The following ARMH4 variants were observed in gnomAD, a reference collection of about 807,000 sequenced individuals.
ARMH4 encodes armadillo like helical domain containing 4.
ARMH4 carries 49 observed loss-of-function variants against 61.9 expected under a neutral mutation model. The observed-to-expected ratio is 0.79, with a 90% CI of 0.63 to 1.00. The LOEUF (loss-of-function observed/expected upper bound fraction) is 1.00. Among genes scored for constraint, ARMH4 ranks in the 50% least tolerant of loss-of-function variants. The pLI is 0.00. For missense variants in ARMH4, 934 were observed against 930.0 expected, an observed-to-expected ratio of 1.00 and a Z score of -0.06; for synonymous variants, 368 against 341.5, an observed-to-expected ratio of 1.08 and a Z score of -0.85.
At chr14:58,051,404 C>T (rs1035699600) in intron 5 of ARMH4, among the ~76,000 whole-genome samples, 2 of 152,090 alleles carry the variant, frequency 1.3e-5, no homozygotes, top group African/African-American at 4.8e-5. Context: ...GAGGTAAGAC[C>T]CACACTCACT....
At chr14:58,062,436 G>A (rs550322031) in intron 5 of ARMH4, among the ~76,000 whole-genome samples, 1 of 152,278 alleles carries the variant, frequency 6.6e-6, no homozygotes, top group South Asian at 2.1e-4. Flanking sequence ...TGTCTTCCCA[G>A]GAAAGGCTTA....
chr14:58,034,164 T>A lies in ARMH4; in HGVS notation c.2090-22014A>T, dbSNP rs1025804897. Among the ~76,000 whole-genome samples, 4 of 135,122 alleles carry A rather than the reference T, an allele frequency of 3.0e-5. 1 individual carries two copies. The highest frequency in any genetic ancestry group is 8.3e-5 in the African/African-American group (3 of 36,306). The allele number at this position is 135,122 out of a possible 152,430, so 88.6% of individuals were successfully genotyped here. A position where few individuals can be genotyped will look rare whatever the true frequency, so the allele number is the denominator to read the frequency against. On this transcript the variant is annotated intron_variant, in intron 5 of 7. Coordinates refer to ENST00000267485, the MANE Select transcript of ARMH4 (RefSeq NM_001001872.4). ...AGGGCAGCCAGAGAGAAAGGTCGGG[T>A]TACCCTCAAAGGAAAGCCCATCAGA...
intron 5 of ARMH4, among the ~76,000 whole-genome samples, chr14:58,058,332 C>T (rs976419612): frequency 2.6e-5 from 4 of 151,834 alleles, no homozygotes; most frequent in Admixed American, 1.3e-4. Flanking sequence ...AGTAGAGATA[C>T]CTTTTTTTTT....
chr14:58,139,201 T>C lies in ARMH4; in HGVS notation c.158A>G (p.Asp53Gly), dbSNP rs779940056. ...EKGQSDKMNTDDLENSSVTSK... is the reference protein window; with the variant it reads ...EKGQSDKMNTGDLENSSVTSK... ...GGTAACAGAGCTATTTTCTAGGTCA[T>C]CGGTGTTCATCTTATCGGACTGCCC... Residue 53 changes from aspartate (D) to glycine (G), a missense_variant, in exon 2 of 8, where the codon GAT (aspartate) becomes GGT (glycine). Physicochemically the swap from Asp to Gly is moderately conservative, Grantham distance 94. Transcript: ENST00000267485. 8.1e-6 allele frequency: 13 copies of C among 1,614,150 alleles called. No homozygotes were observed. In the Admixed American group the frequency reaches 2.2e-4, roughly 27 times the overall value.
At chr14:58,024,663 T>C (rs528652962) in intron 5 of ARMH4, among the ~76,000 whole-genome samples, 135 of 152,310 alleles carry the variant, frequency 8.9e-4, no homozygotes, top group African/African-American at 2.7e-3. Context: ...ACTTTCAACA[T>C]GCCTTCCCCA....
rs1310337852 is a variant in ARMH4, at chr14:58,016,659, G to A, written c.2090-4509C>T. On this transcript the variant is annotated intron_variant, in intron 5 of 7. Transcript: ENST00000267485. ...TGCTGATAGTGAACACAAGAAGTTA[G>A]AGCCTTTCCAGTTGGCTCACAGCTC... Among the ~76,000 whole-genome samples, 3 of 152,292 alleles carry A rather than the reference G, an allele frequency of 2.0e-5. No individual in the cohort carries two copies. The East Asian group carries it at 5.8e-4, about 29-fold the overall frequency.
chr14:58,029,502 G>A (rs1883149658), intron 5 of ARMH4, among the ~76,000 whole-genome samples: 1 of 152,122 alleles, frequency 6.6e-6, no homozygotes, highest in Non-Finnish European at 1.5e-5. Context: ...CCAAAGTGCT[G>A]GGATTACAGG....
intron 5 of ARMH4, among the ~76,000 whole-genome samples, chr14:58,095,270 G>A (rs1213324568): frequency 1.3e-5 from 2 of 152,114 alleles, no homozygotes; most frequent in African/African-American, 4.8e-5. Context: ...ATACTGAAAG[G>A]CTGTTTAACT....
chr14:58,088,453 T>C (rs1395323187), intron 5 of ARMH4, among the ~76,000 whole-genome samples: 5 of 148,620 alleles, frequency 3.4e-5, no homozygotes, highest in African/African-American at 1.3e-4. Context: ...TCTTAGCTAA[T>C]GTGAAAAAAA....
chr14:58,060,211 C>T (rs991850064), intron 5 of ARMH4, among the ~76,000 whole-genome samples: 2 of 152,220 alleles, frequency 1.3e-5, no homozygotes, highest in African/African-American at 4.8e-5. Context: ...TCTACCTACA[C>T]TGAAAAGACT....
At chr14:58,058,462 A>G (rs2141210377) in intron 5 of ARMH4, among the ~76,000 whole-genome samples, 1 of 152,246 alleles carries the variant, frequency 6.6e-6, no homozygotes, top group African/African-American at 2.4e-5. Flanking sequence ...TATGTGCTAA[A>G]CTCATGAATA....
At chr14:58,116,485 G>T in intron 4 of ARMH4, 1 of 276,034 alleles carries the variant, frequency 3.6e-6, no homozygotes, top group Non-Finnish European at 7.6e-6. Context: ...GACGAGCCTG[G>T]GCAACATGGT....
chr14:58,083,758 G>A (rs1885300132), intron 5 of ARMH4, among the ~76,000 whole-genome samples: 1 of 152,156 alleles, frequency 6.6e-6, no homozygotes, highest in Admixed American at 6.5e-5. Context: ...TAAATATCCA[G>A]AAAAGGGACA....
At chr14:58,019,954 C>T (rs1380819055) in intron 5 of ARMH4, among the ~76,000 whole-genome samples, 1 of 151,948 alleles carries the variant, frequency 6.6e-6, no homozygotes, top group Non-Finnish European at 1.5e-5. Flanking sequence ...GTTTTATGGA[C>T]TATATTTATC....
At chr14:58,141,016 T>C (rs1304200719) in intron 1 of ARMH4, among the ~76,000 whole-genome samples, 1 of 152,122 alleles carries the variant, frequency 6.6e-6, no homozygotes, top group Non-Finnish European at 1.5e-5. Flanking sequence ...ACACCAAATC[T>C]ACTGTCACCT....
At chr14:58,123,528 C>T (rs1425484801) in intron 4 of ARMH4, among the ~76,000 whole-genome samples, 2 of 152,140 alleles carry the variant, frequency 1.3e-5, no homozygotes, top group Non-Finnish European at 2.9e-5. Flanking sequence ...AGTGCAAGAA[C>T]TCAGGATTAT....
intron 2 of ARMH4, among the ~76,000 whole-genome samples, chr14:58,137,145 T>G (rs1887328710): frequency 6.6e-6 from 1 of 152,170 alleles, no homozygotes; most frequent in African/African-American, 2.4e-5. Context: ...TAGTCTAAAA[T>G]AAAAATAATA....
At chr14:58,093,628 T>C (rs2141259001) in intron 5 of ARMH4, among the ~76,000 whole-genome samples, 1 of 151,968 alleles carries the variant, frequency 6.6e-6, no homozygotes, top group Middle Eastern at 3.4e-3. Flanking sequence ...AAGGAAAGAG[T>C]TTCTACTATT....
chr14:58,010,283 A>T (rs1882358425), intron 6 of ARMH4, among the ~76,000 whole-genome samples: 1 of 152,214 alleles, frequency 6.6e-6, no homozygotes, highest in African/African-American at 2.4e-5. Context: ...ATGTACATGT[A>T]TCTTCTCAAA....
Sources: gnomAD v4.1 joint callset for allele counts (sites outside exome capture counted in the v4.1 genomes callset) on GRCh38, gnomAD v4.1.1 for gene constraint, MANE v1.5 for transcripts, NCBI Gene and HGNC (gene_info 2026-07-23, HGNC 2026-07-21) for gene names.